ADCYAP1R1: variants seen among roughly 807,000 people sequenced by gnomAD.
ADCYAP1R1 encodes the protein pituitary adenylate cyclase-activating polypeptide type I receptor.
In ADCYAP1R1, 44 loss-of-function variants were observed where a neutral mutation model predicts 67.6. That is an observed-to-expected ratio of 0.65 (90% CI 0.51 to 0.84). The LOEUF is 0.84. ADCYAP1R1 is among the 40% of genes least tolerant of loss of function. The pLI, the probability that ADCYAP1R1 is intolerant of heterozygous loss-of-function variation, is 0.00. For synonymous variants in ADCYAP1R1, 222 were observed against 219.6 expected (o/e 1.01, Z -0.10); for missense variants, 477 against 587.9 (o/e 0.81, Z 1.95).
At chr7:31,083,422 G>A (rs756371470) in intron 6 of ADCYAP1R1, among the ~76,000 whole-genome samples, 3 of 152,212 alleles carry the variant, frequency 2.0e-5, no homozygotes, top group Non-Finnish European at 4.4e-5. Flanking sequence ...ACCCCCTCGA[G>A]TGTCCCACTG....
At chr7:31,071,512 C>T (rs1475853202) in intron 3 of ADCYAP1R1, among the ~76,000 whole-genome samples, 4 of 152,162 alleles carry the variant, frequency 2.6e-5, no homozygotes, top group East Asian at 1.9e-4. Context: ...CTCTGGAGGA[C>T]GAAGGGGAGG....
At chr7:31,104,093 G>A (rs779963069) in intron 14 of ADCYAP1R1, among the ~76,000 whole-genome samples, 10 of 152,104 alleles carry the variant, frequency 6.6e-5, no homozygotes, top group Non-Finnish European at 1.0e-4. Flanking sequence ...CCATTTAACC[G>A]GGCCCAGGTT....
At chr7:31,056,164 G>T (rs1176090036) in intron 1 of ADCYAP1R1, among the ~76,000 whole-genome samples, 1 of 152,118 alleles carries the variant, frequency 6.6e-6, no homozygotes, top group Non-Finnish European at 1.5e-5. Flanking sequence ...CCAAGGAGAG[G>T]GGCTCCTTAT....
At position 31,107,218 on chromosome 7, in the gene ADCYAP1R1, CG is replaced by C. The variant is rs1211519461; in HGVS notation, c.*537del. ...CCTGAAGCCTAGCAGAGGGCCAGCT[CG>C]GGTGGCCAGAACACCCCTTGGTGCA... On this transcript the variant is annotated 3_prime_UTR_variant, in exon 16 of 16. Coordinates refer to ENST00000304166, the MANE Select transcript of ADCYAP1R1 (RefSeq NM_001118.5). 6.6e-6 allele frequency: 1 copy of C among 152,408 alleles called. No homozygotes were observed. Among genetic ancestry groups the C allele is most frequent in the Non-Finnish European group, 1.5e-5 (1 of 68,248 alleles). 9.4% of individuals were successfully genotyped at this position (152,408 alleles called of 1,614,324 possible).
chr7:31,057,933 A>G (rs1246845437), intron 1 of ADCYAP1R1, among the ~76,000 whole-genome samples: 1 of 152,178 alleles, frequency 6.6e-6, no homozygotes, highest in Non-Finnish European at 1.5e-5. Flanking sequence ...AGTGGCCAGA[A>G]GATTCCAGTA....
At position 31,086,297 on chromosome 7, in the gene ADCYAP1R1, C is replaced by A. The variant is rs1166972015; in HGVS notation, c.670-87C>A. ...GATCCTTGGGATGTTTGAACCTGAG[C>A]ATGCCAGAGCCAACGGGCCCTAGGA... On this transcript the variant is annotated intron_variant, in intron 9 of 15. Transcript: ENST00000304166. The surrounding 1 kb of genome is among the most constrained non-coding windows in gnomAD (Gnocchi z 5.0). 3 of 1,369,718 alleles carry A rather than the reference C, an allele frequency of 2.2e-6. No individual in the cohort carries two copies. Among genetic ancestry groups the A allele is most frequent in the Admixed American group, 4.5e-5 (2 of 44,840 alleles). The allele number at this position is 1,369,718 out of a possible 1,614,324, so 84.8% of individuals were successfully genotyped here.
intron 15 of ADCYAP1R1, 60 bp downstream of exon 15, chr7:31,104,969 A>G: frequency 6.4e-7 from 1 of 1,569,538 alleles, no homozygotes; most frequent in Non-Finnish European, 8.8e-7. Context: ...GGGAGCAGAC[A>G]GGGGAACCAC....
intron 3 of ADCYAP1R1, among the ~76,000 whole-genome samples, chr7:31,070,884 T>A (rs1299405962): frequency 6.6e-6 from 1 of 152,186 alleles, no homozygotes; most frequent in Non-Finnish European, 1.5e-5. Flanking sequence ...GTGGTCCATA[T>A]CTTGAGAATC....
chr7:31,063,381 A>G, intron 2 of ADCYAP1R1, 66 bp downstream of exon 2: 1 of 1,584,840 alleles, frequency 6.3e-7, no homozygotes, highest in Non-Finnish European at 8.7e-7. Context: ...CAGAGAACTC[A>G]TGTTTTTTCT....
At chr7:31,090,046 T>C (rs757199781) in intron 12 of ADCYAP1R1, among the ~76,000 whole-genome samples, 1 of 152,196 alleles carries the variant, frequency 6.6e-6, no homozygotes, top group Non-Finnish European at 1.5e-5. Flanking sequence ...TTTCTTTTTT[T>C]TATTTGCCTT....
chr7:31,086,384 G>A lies in ADCYAP1R1; in HGVS notation c.670G>A (p.Val224Met). 1 of 1,613,870 alleles carries A rather than the reference G, an allele frequency of 6.2e-7. No homozygotes were observed. Among genetic ancestry groups the A allele is most frequent in the Non-Finnish European group, 8.5e-7 (1 of 1,179,972 alleles). ...CTCACCCTGGCGCTTCTCCCTGCAG[G>A]TGGAATGTAAGGCCGTCATGGTTTT... is the stretch of plus-strand genomic sequence containing the variant. ...QDSNHCFIST[V>M]ECKAVMVFFH... is the part of the protein sequence containing the mutation. The change falls in exon 10 of 16, where the codon GTG becomes ATG. Residue 224 changes from valine to methionine, a missense_variant and splice_region_variant. Val to Met is a conservative substitution (Grantham distance 21). Coordinates refer to ENST00000304166, the MANE Select transcript of ADCYAP1R1 (RefSeq NM_001118.5). This position sits in a 1 kb window ranked among gnomAD's most constrained non-coding sequence, Gnocchi z 5.0.
chr7:31,084,912 C>G, intron 8 of ADCYAP1R1, 78 bp downstream of exon 8: 1 of 1,313,996 alleles, frequency 7.6e-7, no homozygotes, highest in Non-Finnish European at 1.1e-6. Flanking sequence ...TCTCCCCTCC[C>G]CCCTTGATGT....
rs1796719560 is a variant in ADCYAP1R1 at position 31,108,128 on chromosome 7, C to G, written c.*1444C>G. On this transcript the variant is annotated 3_prime_UTR_variant, in exon 16 of 16. Transcript: ENST00000304166. ...TGCAGACTTGTTTCATGATGATGCT[C>G]TGGAATGCTTGGGGACTTTGGGTGG... The G allele has an allele frequency of 6.6e-6, 1 of 152,250 alleles. No homozygotes were observed. The highest frequency in any genetic ancestry group is 6.5e-5 in the Admixed American group (1 of 15,290). The allele number at this position is 152,250 out of a possible 1,614,324, so 9.4% of individuals were successfully genotyped here.
rs1272819415 is a variant in ADCYAP1R1, at chr7:31,086,937, T to C, written c.824-6T>C. ...TCTCACGGACCTCTTTTTCTTGTTCTCCCAGGGACCCCAACTGTGTGTGTG... is the reference window on the plus strand; with the variant it reads ...TCTCACGGACCTCTTTTTCTTGTTCCCCCAGGGACCCCAACTGTGTGTGTG... On this transcript the variant is annotated splice_region_variant and splice_polypyrimidine_tract_variant and intron_variant, in intron 10 of 15. Transcript: ENST00000304166. This position sits in a 1 kb window ranked among gnomAD's most constrained non-coding sequence, Gnocchi z 5.0. The C allele has an allele frequency of 1.2e-6, 2 of 1,614,178 alleles. No individual in the cohort carries two copies. Among genetic ancestry groups the C allele is most frequent in the Non-Finnish European group, 1.7e-6 (2 of 1,180,026 alleles).
chr7:31,087,517 A>G (rs1795799257), intron 11 of ADCYAP1R1, 110 bp from the exon 12 acceptor site: 1 of 908,368 alleles, frequency 1.1e-6, no homozygotes. Context: ...CTCCTCAGAG[A>G]GCTGCGGTGG....
intron 3 of ADCYAP1R1, 68 bp from the exon 4 acceptor site, chr7:31,077,923 G>A (rs921666549): frequency 1.1e-5 from 11 of 1,006,318 alleles, no homozygotes; most frequent in East Asian, 2.5e-5. Context: ...TGTGTGTGAT[G>A]TGTGTGGTGG....
chr7:31,058,140 C>T (rs796930422), intron 1 of ADCYAP1R1, among the ~76,000 whole-genome samples: 23 of 152,324 alleles, frequency 1.5e-4, no homozygotes, highest in South Asian at 6.2e-4. Flanking sequence ...CTGGGCCAGA[C>T]GCTGGAGTGG....
chr7:31,098,777 C>T (rs1796318954), intron 13 of ADCYAP1R1, among the ~76,000 whole-genome samples: 1 of 148,508 alleles, frequency 6.7e-6, no homozygotes, highest in Non-Finnish European at 1.5e-5. Flanking sequence ...AGCGAAATGA[C>T]ATGTCACCAC....
chr7:31,077,830 TTGTTGGTGTTGTGTG>T (rs1795337284), intron 3 of ADCYAP1R1, among the ~76,000 whole-genome samples, 146 bp from the exon 4 acceptor site: 1 of 139,120 alleles, frequency 7.2e-6, no homozygotes, highest in African/African-American at 3.1e-5. Context: ...TGATGTGTGT[TTGTTGGTGTTGTGTG>T]TGTGTTGTGT....
Sources: allele counts gnomAD v4.1 joint callset (sites outside exome capture counted in the v4.1 genomes callset), GRCh38; gene constraint gnomAD v4.1.1; non-coding constraint Gnocchi (gnomAD v3.1); transcripts MANE v1.5; gene names NCBI Gene and HGNC (gene_info 2026-07-23, HGNC 2026-07-21).